LHFPL6: variants seen among roughly 807,000 people sequenced by gnomAD.
LHFPL6 encodes LHFPL tetraspan subfamily member 6.
LHFPL6 carries 9 observed loss-of-function variants against 20.6 expected under a neutral mutation model. The ratio of observed to expected loss-of-function variants is 0.44; its 90% CI spans 0.26 to 0.76. LHFPL6 has a LOEUF of 0.76. LHFPL6 is among the 30% of genes least tolerant of loss of function. LHFPL6 has a pLI of 0.20. For missense variants in LHFPL6, 218 were observed against 253.5 expected (o/e 0.86, Z 0.95); for synonymous variants, 105 against 98.7 (o/e 1.06, Z -0.38).
At chr13:39,575,726 T>C (rs879831098) in intron 2 of LHFPL6, among the ~76,000 whole-genome samples, 5 of 151,956 alleles carry the variant, frequency 3.3e-5, no homozygotes, top group African/African-American at 9.7e-5. Context: ...AGCTGTGGAG[T>C]GGGGAGCTCC....
intron 2 of LHFPL6, among the ~76,000 whole-genome samples, chr13:39,532,141 C>G (rs1870485767): frequency 6.6e-6 from 1 of 152,124 alleles, no homozygotes; most frequent in Non-Finnish European, 1.5e-5. Flanking sequence ...AATCCTGCTT[C>G]CCTCCAGCAT....
intron 2 of LHFPL6, among the ~76,000 whole-genome samples, chr13:39,588,663 A>C (rs1240285717): frequency 6.6e-6 from 1 of 152,254 alleles, no homozygotes; most frequent in East Asian, 1.9e-4. Context: ...GACATTGCTT[A>C]AATATCTTCA....
intron 2 of LHFPL6, among the ~76,000 whole-genome samples, chr13:39,564,257 T>C (rs61956463): frequency 0.055 from 8,399 of 152,258 alleles, 376 homozygotes; most frequent in African/African-American, 0.12. Context: ...GAGTGCTTAA[T>C]GGGGAGTATT....
chr13:39,525,463 T>C (rs907445459), intron 2 of LHFPL6, among the ~76,000 whole-genome samples: 1 of 152,242 alleles, frequency 6.6e-6, no homozygotes, highest in Non-Finnish European at 1.5e-5. Flanking sequence ...AATAAATCTC[T>C]CTGCATTTAA....
chr13:39,564,927 C>G (rs547860194), intron 2 of LHFPL6, among the ~76,000 whole-genome samples: 6 of 152,154 alleles, frequency 3.9e-5, no homozygotes, highest in African/African-American at 1.4e-4. Context: ...TAGTGGACAT[C>G]GTTCAATAAG....
chr13:39,462,746 T>C (rs988582212), intron 2 of LHFPL6, among the ~76,000 whole-genome samples: 1 of 152,200 alleles, frequency 6.6e-6, no homozygotes, highest in African/African-American at 2.4e-5. Context: ...AATTCAAGTC[T>C]GCGTGATTCC....
At chr13:39,499,346 A>C (rs1243525677) in intron 2 of LHFPL6, among the ~76,000 whole-genome samples, 1 of 152,190 alleles carries the variant, frequency 6.6e-6, no homozygotes, top group Non-Finnish European at 1.5e-5. Flanking sequence ...AATGACTCCA[A>C]GCCAGGCCTT....
intron 2 of LHFPL6, among the ~76,000 whole-genome samples, chr13:39,489,046 CATT>C (rs1868824169): frequency 6.6e-6 from 1 of 152,182 alleles, no homozygotes; most frequent in African/African-American, 2.4e-5. Flanking sequence ...TGAACAATAT[CATT>C]TAAGGACTCC....
chr13:39,459,874 T>A (rs1426676677), intron 2 of LHFPL6, among the ~76,000 whole-genome samples: 1 of 152,214 alleles, frequency 6.6e-6, no homozygotes, highest in Admixed American at 6.5e-5. Context: ...AGGGTTTTGA[T>A]GTGTAAGAAA....
intron 2 of LHFPL6, among the ~76,000 whole-genome samples, chr13:39,392,521 G>A (rs1870736471): frequency 6.6e-6 from 1 of 152,136 alleles, no homozygotes; most frequent in South Asian, 2.1e-4. Flanking sequence ...TTGAACCTGG[G>A]AGGCAGAGGT....
intron 2 of LHFPL6, among the ~76,000 whole-genome samples, chr13:39,536,862 G>A (rs1870634831): frequency 6.6e-6 from 1 of 152,144 alleles, no homozygotes; most frequent in Non-Finnish European, 1.5e-5. Flanking sequence ...TTCCTTTTAA[G>A]CAGTCATTTT....
chr13:39,480,345 C>T (rs1868469907), intron 2 of LHFPL6, among the ~76,000 whole-genome samples: 1 of 152,110 alleles, frequency 6.6e-6, no homozygotes, highest in Non-Finnish European at 1.5e-5. Flanking sequence ...GATACAGAAG[C>T]ATCTATATAT....
At chr13:39,434,138 C>G (rs1871889346) in intron 2 of LHFPL6, among the ~76,000 whole-genome samples, 1 of 152,166 alleles carries the variant, frequency 6.6e-6, no homozygotes, top group African/African-American at 2.4e-5. Flanking sequence ...TTGGCCCCAG[C>G]CCTTGATTTG....
chr13:39,596,568 A>G (rs900813054), intron 2 of LHFPL6, among the ~76,000 whole-genome samples: 1 of 152,204 alleles, frequency 6.6e-6, no homozygotes, highest in African/African-American at 2.4e-5. Context: ...TAAAAACTCA[A>G]GACAACTCAC....
At chr13:39,371,619 A>C (rs1293757873) in intron 3 of LHFPL6, among the ~76,000 whole-genome samples, 1 of 152,252 alleles carries the variant, frequency 6.6e-6, no homozygotes, top group East Asian at 1.9e-4. Flanking sequence ...CCCTCTGTCC[A>C]CAACCACAGG....
At chr13:39,550,729 G>T (rs11841106) in intron 2 of LHFPL6, among the ~76,000 whole-genome samples, 2,642 of 152,148 alleles carry the variant, frequency 0.017, 88 homozygotes, top group African/African-American at 0.061. Context: ...ATGAATAAGA[G>T]AAATTCAGTT....
intron 2 of LHFPL6, among the ~76,000 whole-genome samples, chr13:39,584,355 C>T (rs370885899): frequency 1.3e-5 from 2 of 151,812 alleles, no homozygotes; most frequent in South Asian, 2.1e-4. Context: ...GGAGAAACCC[C>T]GTCTCTACCA....
At chr13:39,384,864 G>A (rs1291440892) in intron 2 of LHFPL6, among the ~76,000 whole-genome samples, 1 of 152,130 alleles carries the variant, frequency 6.6e-6, no homozygotes, top group Non-Finnish European at 1.5e-5. Flanking sequence ...TAAAAAAGGC[G>A]TCAGTTTCAC....
At chr13:39,568,502 C>A (rs1871800401) in intron 2 of LHFPL6, among the ~76,000 whole-genome samples, 1 of 152,060 alleles carries the variant, frequency 6.6e-6, no homozygotes, top group South Asian at 2.1e-4. Flanking sequence ...CCATATATAT[C>A]TGCCTATATA....
Sources: allele counts gnomAD v4.1 joint callset (sites outside exome capture counted in the v4.1 genomes callset), GRCh38; gene constraint gnomAD v4.1.1; transcripts MANE v1.5; gene names NCBI Gene and HGNC (gene_info 2026-07-23, HGNC 2026-07-21).